SHANK2: variants seen among roughly 807,000 people sequenced by gnomAD.
SHANK2 encodes the protein SH3 and multiple ankyrin repeat domains protein 2.
A neutral mutation model predicts 133.7 loss-of-function variants in SHANK2; 43 were observed. That is an observed-to-expected ratio of 0.32 (90% confidence interval 0.25 to 0.41). SHANK2 has a LOEUF of 0.41. Ranked by LOEUF, SHANK2 falls within the 10% of genes least tolerant of loss-of-function variation. The probability of loss-of-function intolerance (pLI) is 1.00; values close to 1 mark genes in which losing one functional copy is unlikely to be tolerated. For missense variants in SHANK2, 1,994 were observed against 2,235.8 expected (o/e 0.89, Z 2.18); for synonymous variants, 1,017 against 952.8 (o/e 1.07, Z -1.24).
intron 2 of SHANK2, among the ~76,000 whole-genome samples, chr11:71,166,049 C>T (rs2135483697): frequency 6.6e-6 from 1 of 152,328 alleles, no homozygotes; most frequent in Non-Finnish European, 1.5e-5. Flanking sequence ...CACCAACAAG[C>T]ACACACTACT....
intron 10 of SHANK2, among the ~76,000 whole-genome samples, chr11:70,907,005 C>T (rs924743): frequency 0.65 from 99,339 of 152,182 alleles, 36,113 homozygotes; most frequent in Non-Finnish European, 0.79. Flanking sequence ...CTGGTTGCTC[C>T]GGGACTTTAC....
chr11:71,108,568 C>T (rs188097073), intron 6 of SHANK2, among the ~76,000 whole-genome samples: 251 of 152,314 alleles, frequency 1.6e-3, no homozygotes, highest in African/African-American at 5.5e-3. Context: ...TCCAGGCCAC[C>T]GGCTGAGACT....
chr11:70,939,056 C>G (rs925692017), intron 10 of SHANK2, among the ~76,000 whole-genome samples: 1 of 123,374 alleles, frequency 8.1e-6, no homozygotes, highest in African/African-American at 2.5e-5. Flanking sequence ...GCTGGAAAGA[C>G]CTTCCAAAGG....
intron 2 of SHANK2, among the ~76,000 whole-genome samples, chr11:71,194,204 G>A (rs1161703714): frequency 3.3e-5 from 5 of 152,202 alleles, no homozygotes; most frequent in Non-Finnish European, 5.9e-5. Context: ...AAAGTGACCT[G>A]AGGCCACATC....
chr11:70,578,588 G>C (rs782082991), intron 17 of SHANK2, among the ~76,000 whole-genome samples: 6 of 152,188 alleles, frequency 3.9e-5, no homozygotes, highest in African/African-American at 9.7e-5. Context: ...GGAGTAGACA[G>C]CGTGTCCCCG....
chr11:71,121,225 C>G (rs575670308), intron 3 of SHANK2, among the ~76,000 whole-genome samples: 20 of 152,354 alleles, frequency 1.3e-4, no homozygotes, highest in African/African-American at 4.3e-4. Context: ...ATCAGAGCCA[C>G]TACTTAACTT....
chr11:70,501,945 CA>C lies in SHANK2; in HGVS notation c.2279-15del. ...TACCTTTATCCACTAGTGAGAGGCC[CA>C]AAAATTCAAAACAAAACAATGTTAG... On this transcript the variant is annotated splice_polypyrimidine_tract_variant and intron_variant, in intron 19 of 25. Transcript: ENST00000601538. The C allele has an allele frequency of 6.4e-7, 1 of 1,556,620 alleles. No individual in the cohort carries two copies. Among genetic ancestry groups the C allele is most frequent in the Non-Finnish European group, 8.7e-7 (1 of 1,149,492 alleles).
intron 17 of SHANK2, among the ~76,000 whole-genome samples, chr11:70,659,356 G>T (rs2061451516): frequency 6.6e-6 from 1 of 152,112 alleles, no homozygotes; most frequent in Non-Finnish European, 1.5e-5. Context: ...TGATGGGGTG[G>T]TTACCACAAC....
chr11:70,755,027 C>T (rs1220473485), intron 14 of SHANK2, among the ~76,000 whole-genome samples: 1 of 151,574 alleles, frequency 6.6e-6, no homozygotes, highest in African/African-American at 2.4e-5. Flanking sequence ...AGAAGTACTT[C>T]GAAATGTCCC....
intron 14 of SHANK2, among the ~76,000 whole-genome samples, chr11:70,738,721 A>G (rs555886): frequency 0.48 from 72,717 of 152,002 alleles, 18,272 homozygotes; most frequent in African/African-American, 0.64. Context: ...TCTCCAGGCT[A>G]TGTCCCCTGA....
chr11:70,943,883 A>G (rs1458378501), intron 10 of SHANK2: 1 of 456,284 alleles, frequency 2.2e-6, no homozygotes, highest in African/African-American at 2.0e-5. Context: ...CTTGCTGCCT[A>G]TTTGTAAATA....
chr11:70,632,007 G>T (rs900735191), intron 17 of SHANK2: 3 of 152,324 alleles, frequency 2.0e-5, no homozygotes, highest in Admixed American at 2.0e-4. Flanking sequence ...CCTTATTTTT[G>T]AAATGCTTTC....
At chr11:70,662,453 C>T (rs1555013751) in intron 15 of SHANK2, among the ~76,000 whole-genome samples, 1 of 152,204 alleles carries the variant, frequency 6.6e-6, no homozygotes, top group African/African-American at 2.4e-5. Flanking sequence ...CTCTCTGCAT[C>T]CCCCCCTCCA....
intron 10 of SHANK2, among the ~76,000 whole-genome samples, chr11:70,901,417 G>A (rs1226431864): frequency 2.6e-5 from 4 of 152,194 alleles, no homozygotes; most frequent in African/African-American, 9.6e-5. Context: ...AGTGCCCTGC[G>A]CAGGGGAAGG....
At chr11:71,200,789 C>T (rs1440974721) in intron 2 of SHANK2, among the ~76,000 whole-genome samples, 1 of 151,468 alleles carries the variant, frequency 6.6e-6, no homozygotes, top group African/African-American at 2.4e-5. Flanking sequence ...ATGTGTTTGT[C>T]CTCAGTCACC....
chr11:70,516,839 C>T (rs549445841), intron 17 of SHANK2, among the ~76,000 whole-genome samples: 16 of 152,090 alleles, frequency 1.1e-4, no homozygotes, highest in African/African-American at 2.7e-4. Context: ...GGGGCCGAGT[C>T]GGGTGGATCA....
intron 14 of SHANK2, among the ~76,000 whole-genome samples, chr11:70,732,125 A>G (rs542855110): frequency 6.6e-6 from 1 of 151,986 alleles, no homozygotes; most frequent in East Asian, 2.0e-4. Flanking sequence ...AGCCCAACCC[A>G]TGCAGGCTCC....
chr11:71,164,669 G>C (rs1431621967), intron 2 of SHANK2, among the ~76,000 whole-genome samples: 1 of 152,224 alleles, frequency 6.6e-6, no homozygotes, highest in Admixed American at 6.5e-5. Flanking sequence ...GGTAAACGGA[G>C]ATGTGCCTGT....
Position 71,163,093 on chromosome 11 carries a change from A to AAACATATATATATAT in SHANK2, c.-12-15756_-12-15755insATATATATATATGTT. Among the ~76,000 whole-genome samples the AAACATATATATATAT allele has an allele frequency of 7.6e-3, 644 of 84,636 alleles. 55 individuals are homozygous for AAACATATATATATAT. Among genetic ancestry groups the AAACATATATATATAT allele is most frequent in the African/African-American group, 0.026 (557 of 21,732 alleles). The allele number at this position is 84,636 out of a possible 152,430, so 55.5% of individuals were successfully genotyped here. On this transcript the variant is annotated intron_variant, in intron 2 of 25. Coordinates refer to ENST00000601538, the MANE Select transcript of SHANK2 (RefSeq NM_012309.5). ...GTCTAAAAAAAAAAAAAAAAAAAAA[A>AAACATATATATATAT]ATACATATATATATATATACAGAAT...
Sources: gnomAD v4.1 joint callset for allele counts (sites outside exome capture counted in the v4.1 genomes callset) on GRCh38, gnomAD v4.1.1 for gene constraint, MANE v1.5 for transcripts, NCBI Gene and HGNC (gene_info 2026-07-23, HGNC 2026-07-21) for gene names.